MORC1: variants seen among roughly 807,000 people sequenced by gnomAD.
MORC1 encodes MORC family CW-type zinc finger protein 1.
In MORC1, 59 loss-of-function variants were observed where a neutral mutation model predicts 134.9. That is an observed-to-expected ratio of 0.44 (90% CI 0.35 to 0.54). The LOEUF (loss-of-function observed/expected upper bound fraction) is 0.54, where lower values mean the gene tolerates loss of function less well. Among genes scored for constraint, MORC1 ranks in the 20% least tolerant of loss-of-function variants. The pLI, the probability that MORC1 is intolerant of heterozygous loss-of-function variation, is 0.00. For synonymous variants in MORC1, 395 were observed against 391.7 expected (o/e 1.01, Z -0.10); for missense variants, 947 against 1,134.5 (o/e 0.83, Z 2.37).
At chr3:109,078,519 T>C (rs1158218214) in intron 8 of MORC1, among the ~76,000 whole-genome samples, 1 of 151,966 alleles carries the variant, frequency 6.6e-6, no homozygotes, top group Non-Finnish European at 1.5e-5. Context: ...GAGTTCTATA[T>C]TTTGAAACCT....
At chr3:108,986,682 C>T in intron 22 of MORC1, among the ~76,000 whole-genome samples, 198 bp downstream of exon 22, 1 of 152,096 alleles carries the variant, frequency 6.6e-6, no homozygotes, top group East Asian at 1.9e-4. Flanking sequence ...GAAAGTGTCT[C>T]TCTGCCCCGT....
In MORC1 at chr3:108,979,681, T is replaced by C; in HGVS notation, c.2325-14A>G. On this transcript the variant is annotated splice_polypyrimidine_tract_variant and intron_variant, in intron 23 of 27. Transcript: ENST00000232603. ...ACATTGAGCAAGCTGAGGTTTGTCA[T>C]TTCAAAGTAGAAATCATGTTAGGTA... is the stretch of plus-strand genomic sequence containing the variant. 1 of 1,609,396 alleles carries C rather than the reference T, an allele frequency of 6.2e-7. No homozygotes were observed. Among genetic ancestry groups the C allele is most frequent in the Non-Finnish European group, 8.5e-7 (1 of 1,178,052 alleles).
At chr3:108,970,572 A>G (rs1420571025) in intron 25 of MORC1, among the ~76,000 whole-genome samples, 2 of 152,238 alleles carry the variant, frequency 1.3e-5, no homozygotes, top group Non-Finnish European at 2.9e-5. Context: ...GATCAGACTC[A>G]TATAGTCCCT....
chr3:108,978,120 G>A (rs565794935), intron 24 of MORC1, among the ~76,000 whole-genome samples: 41 of 151,930 alleles, frequency 2.7e-4, no homozygotes, highest in Non-Finnish European at 4.1e-4. Flanking sequence ...CTCATGATCC[G>A]CCCACCTCGG....
intron 17 of MORC1, among the ~76,000 whole-genome samples, chr3:109,023,950 T>C (rs1469656598): frequency 6.6e-6 from 1 of 152,188 alleles, no homozygotes; most frequent in African/African-American, 2.4e-5. Flanking sequence ...TATTCATCTA[T>C]TCAAAAGGAT....
Position 109,064,774 on chromosome 3 carries a change from T to C in MORC1, c.816-1543A>G, listed in dbSNP as rs147544777. ...TTAATTATTCTTTACAACATGTAAT[T>C]AGGCAGGATCAATAATTTTCTGGTT... On this transcript the variant is annotated intron_variant, in intron 9 of 27. Transcript: ENST00000232603. 1.6e-4 allele frequency among the ~76,000 whole-genome samples: 24 copies of C among 152,282 alleles called. No homozygotes were observed. The East Asian group carries it at 4.1e-3, about 26-fold the overall frequency.
At position 109,027,775 on chromosome 3, in the gene MORC1, A is replaced by T; in HGVS notation, c.1680T>A (p.Asn560Lys). The T allele has an allele frequency of 6.2e-7, 1 of 1,613,872 alleles. No homozygotes were observed. The highest frequency in any genetic ancestry group is 2.2e-5 in the East Asian group (1 of 44,862). ...QLRESVIKYQ[N>K]RLAEQQPQPQ... ...CCTGTGGCTGCTGTTCTGCCAGTCT[A>T]TTTTGATACTTTATGACCGACTCTC... is the stretch of plus-strand genomic sequence containing the variant. The change falls in exon 17 of 28, where the codon AAT becomes AAA. Residue 560 changes from asparagine (N) to lysine (K), a missense_variant. Asn to Lys is a moderately conservative substitution (Grantham distance 94, BLOSUM62 0). This residue lies in a region of MORC1 where 722 missense variants were observed against 817.0 expected (regional missense o/e 0.88). Transcript: ENST00000232603.
chr3:109,039,070 T>C (rs1949450011), intron 14 of MORC1, among the ~76,000 whole-genome samples: 1 of 152,032 alleles, frequency 6.6e-6, no homozygotes, highest in African/African-American at 2.4e-5. Context: ...GTGTGAAGCA[T>C]AATGCCTGGC....
intron 14 of MORC1, among the ~76,000 whole-genome samples, chr3:109,044,652 T>C (rs1949642946): frequency 6.6e-6 from 1 of 150,974 alleles, no homozygotes; most frequent in Non-Finnish European, 1.5e-5. Flanking sequence ...CTCTTAAAAA[T>C]AAGAGAAATG....
At position 109,065,952 on chromosome 3, in the gene MORC1, G is replaced by A. The variant is rs567302386; in HGVS notation, c.816-2721C>T. 2.9e-4 allele frequency among the ~76,000 whole-genome samples: 44 copies of A among 152,166 alleles called. 1 individual carries two copies. In the South Asian group the frequency reaches 7.5e-3, roughly 26 times the overall value. ...TACCTCATAGTCCCATTTATAAGTGGGAGCTACACACTGAGCACACATGGA... is the reference window on the plus strand; with the variant it reads ...TACCTCATAGTCCCATTTATAAGTGAGAGCTACACACTGAGCACACATGGA... On this transcript the variant is annotated intron_variant, in intron 9 of 27. Transcript: ENST00000232603.
chr3:108,961,534 G>T (rs527744649), intron 27 of MORC1, among the ~76,000 whole-genome samples: 3 of 152,166 alleles, frequency 2.0e-5, no homozygotes, highest in South Asian at 4.2e-4. Flanking sequence ...ATCTCTATCT[G>T]CTCTGGGTCC....
chr3:109,003,577 C>T (rs1189576025), intron 20 of MORC1, among the ~76,000 whole-genome samples: 2 of 152,024 alleles, frequency 1.3e-5, no homozygotes, highest in East Asian at 3.9e-4. Flanking sequence ...CTTGAAACTG[C>T]ACAGCTAATG....
chr3:108,972,671 G>A (rs1947421513), intron 24 of MORC1, among the ~76,000 whole-genome samples: 1 of 152,162 alleles, frequency 6.6e-6, no homozygotes. Flanking sequence ...TCCTGGGAAA[G>A]AACACCTGGG....
intron 8 of MORC1, among the ~76,000 whole-genome samples, chr3:109,091,172 G>C (rs879943337): frequency 6.6e-6 from 1 of 151,944 alleles, no homozygotes; most frequent in Non-Finnish European, 1.5e-5. Flanking sequence ...GGCCAGGTGC[G>C]GTGGCTCATG....
intron 14 of MORC1, among the ~76,000 whole-genome samples, chr3:109,046,868 C>T (rs982559): frequency 0.032 from 4,895 of 152,206 alleles, 247 homozygotes; most frequent in African/African-American, 0.11. Flanking sequence ...CTAAAACCTA[C>T]TCAGTGTAAG....
At chr3:108,975,787 T>A (rs1033373321) in intron 24 of MORC1, among the ~76,000 whole-genome samples, 2 of 152,118 alleles carry the variant, frequency 1.3e-5, no homozygotes, top group African/African-American at 4.8e-5. Flanking sequence ...ATTATTATTA[T>A]TATTGAAAGA....
At chr3:109,113,103 A>C (rs1187554496) in intron 2 of MORC1, among the ~76,000 whole-genome samples, 1 of 152,228 alleles carries the variant, frequency 6.6e-6, no homozygotes, top group African/African-American at 2.4e-5. Flanking sequence ...AAGTTGCTGA[A>C]AGTGGGCCCA....
intron 11 of MORC1, among the ~76,000 whole-genome samples, chr3:109,060,398 T>C (rs980686713): frequency 6.6e-6 from 1 of 151,842 alleles, no homozygotes; most frequent in Admixed American, 6.6e-5. Context: ...ACCTTTCTTA[T>C]TAAACTTTTG....
intron 18 of MORC1, among the ~76,000 whole-genome samples, chr3:109,006,738 T>C (rs1948548947): frequency 6.6e-6 from 1 of 152,114 alleles, no homozygotes; most frequent in Non-Finnish European, 1.5e-5. Flanking sequence ...AGACAAAAAA[T>C]ATATATGTAT....
Sources: allele counts gnomAD v4.1 joint callset (sites outside exome capture counted in the v4.1 genomes callset), GRCh38; gene constraint gnomAD v4.1.1; regional missense constraint gnomAD v4.1.1; transcripts MANE v1.5; gene names NCBI Gene and HGNC (gene_info 2026-07-23, HGNC 2026-07-21).